The following MSL2 variants were observed in gnomAD, a reference collection of about 807,000 sequenced individuals.
MSL2 encodes MSL complex subunit 2, also known as E3 ubiquitin-protein ligase MSL2.
Under a neutral mutation model 35.8 loss-of-function variants are expected in MSL2, and 2 were observed. The ratio of observed to expected loss-of-function variants is 0.06; its 90% CI spans 0.02 to 0.18. The LOEUF (loss-of-function observed/expected upper bound fraction) is 0.18. Ranked by LOEUF, MSL2 falls within the 10% of genes least tolerant of loss-of-function variation. The pLI, the probability that MSL2 is intolerant of heterozygous loss-of-function variation, is 1.00. For missense variants in MSL2, 523 were observed against 706.7 expected, an observed-to-expected ratio of 0.74 and a Z score of 2.95; for synonymous variants, 296 against 255.7, an observed-to-expected ratio of 1.16 and a Z score of -1.50.
intron 1 of MSL2, among the ~76,000 whole-genome samples, chr3:136,185,536 T>C (rs1431928956): frequency 2.0e-5 from 2 of 102,078 alleles, no homozygotes; most frequent in Admixed American, 2.7e-4. Context: ...TTCTTTTTTT[T>C]TGGAGGGGGG....
chr3:136,152,325 T>C lies in MSL2; in HGVS notation c.556A>G (p.Ile186Val), dbSNP rs770174801. ...AAACCATTGATAACAGAACTGCCAA[T>C]AGCAATGCTGAGGGTGCTTTCAGAC... ...PMSESTLSIA[I>V]GSSVINGLPT... The change falls in exon 2 of 2, where the codon ATT (isoleucine) becomes GTT (valine). Residue 186 changes from isoleucine to valine, a missense_variant. This residue lies in a region of MSL2 where 361 missense variants were observed against 414.6 expected (regional missense o/e 0.87). Coordinates refer to ENST00000309993, the MANE Select transcript of MSL2 (RefSeq NM_018133.4). 1.3e-5 allele frequency: 21 copies of C among 1,614,052 alleles called. No individual in the cohort carries two copies. Among genetic ancestry groups the C allele is most frequent in the Admixed American group, 1.7e-5 (1 of 60,000 alleles).
chr3:136,157,265 AG>A (rs1443003338), intron 1 of MSL2, among the ~76,000 whole-genome samples: 1 of 117,744 alleles, frequency 8.5e-6, no homozygotes, highest in East Asian at 2.0e-4. Flanking sequence ...CGATCACCTG[AG>A]GTCAGGAAGG....
intron 1 of MSL2, among the ~76,000 whole-genome samples, chr3:136,179,210 G>A (rs1435987979): frequency 6.6e-6 from 1 of 151,564 alleles, no homozygotes; most frequent in African/African-American, 2.4e-5. Flanking sequence ...TTTAAAGACA[G>A]AGTACTCCCT....
Position 136,149,836 on chromosome 3 carries a change from G to A in MSL2, c.*1311C>T, listed in dbSNP as rs923495570. The A allele has an allele frequency of 1.3e-5, 2 of 152,418 alleles. No homozygotes were observed. Among genetic ancestry groups the A allele is most frequent in the South Asian group, 4.1e-4 (2 of 4,826 alleles). 9.4% of individuals were successfully genotyped at this position (152,418 alleles called of 1,614,324 possible). On this transcript the variant is annotated 3_prime_UTR_variant, in exon 2 of 2. Transcript: ENST00000309993. ...AGAGATGGTGAACGTAGTAGAAATT[G>A]GAAATTTTCCAGCAGTATTTTTCTT...
intron 1 of MSL2, among the ~76,000 whole-genome samples, chr3:136,191,647 C>A (rs1000902517): frequency 6.6e-6 from 1 of 151,970 alleles, no homozygotes; most frequent in Non-Finnish European, 1.5e-5. Context: ...ATGGTACATG[C>A]CTGTAGTTCT....
intron 1 of MSL2, among the ~76,000 whole-genome samples, chr3:136,189,005 G>A (rs1287827872): frequency 6.9e-6 from 1 of 145,600 alleles, no homozygotes; most frequent in African/African-American, 2.5e-5. Context: ...ATATACCCAA[G>A]TAGAAGCAAA....
At chr3:136,166,533 A>G (rs960006087) in intron 1 of MSL2, among the ~76,000 whole-genome samples, 8 of 152,226 alleles carry the variant, frequency 5.3e-5, no homozygotes, top group African/African-American at 1.9e-4. Context: ...CAAATTTAAC[A>G]TAGATCATTC....
intron 1 of MSL2, 23 bp downstream of exon 1, chr3:136,194,949 G>A: frequency 1.2e-6 from 2 of 1,613,254 alleles, no homozygotes; most frequent in African/African-American, 1.3e-5. Flanking sequence ...GCATTGAAAA[G>A]GGAACAATAA....
intron 1 of MSL2, among the ~76,000 whole-genome samples, chr3:136,180,142 T>C (rs6786582): frequency 0.2 from 30,046 of 152,180 alleles, 3,462 homozygotes; most frequent in Non-Finnish European, 0.27. Flanking sequence ...TAGGCTAAAA[T>C]GGCATACATT....
intron 1 of MSL2, among the ~76,000 whole-genome samples, chr3:136,194,742 C>T (rs956653563): frequency 3.2e-4 from 49 of 151,796 alleles, no homozygotes; most frequent in Admixed American, 3.2e-3. Flanking sequence ...GCGAATTAAA[C>T]CATTTTGAAC....
intron 1 of MSL2, among the ~76,000 whole-genome samples, chr3:136,157,109 A>T (rs2108063078): frequency 6.6e-6 from 1 of 152,332 alleles, no homozygotes; most frequent in East Asian, 1.9e-4. Context: ...TAGGAATCCC[A>T]AACTAATCAG....
chr3:136,157,349 A>C (rs1939563607), intron 1 of MSL2, among the ~76,000 whole-genome samples: 1 of 152,174 alleles, frequency 6.6e-6, no homozygotes, highest in Non-Finnish European at 1.5e-5. Context: ...TCTACTAAAA[A>C]TACAAAAATT....
At position 136,195,577 on chromosome 3, in the gene MSL2, C is replaced by T. The variant is rs1940815390; in HGVS notation, c.-464G>A. 2 of 996,628 alleles carry T rather than the reference C, an allele frequency of 2.0e-6. No individual in the cohort carries two copies. The highest frequency in any genetic ancestry group is 6.1e-5 in the Admixed American group (1 of 16,460). The allele number at this position is 996,628 out of a possible 1,614,324, so 61.7% of individuals were successfully genotyped here. On this transcript the variant is annotated 5_prime_UTR_variant, in exon 1 of 2. Coordinates refer to ENST00000309993, the MANE Select transcript of MSL2 (RefSeq NM_018133.4). Reference sequence around the variant, plus strand: ...ACGCTTCTCCCGGGCTGCAGGGCCTCTTACTCCATCCCAGTACAGGGCGCG... The same window carrying T: ...ACGCTTCTCCCGGGCTGCAGGGCCTTTTACTCCATCCCAGTACAGGGCGCG...
At chr3:136,189,508 A>G (rs1232110166) in intron 1 of MSL2, among the ~76,000 whole-genome samples, 1 of 149,316 alleles carries the variant, frequency 6.7e-6, no homozygotes, top group African/African-American at 2.5e-5. Flanking sequence ...GCGGATCACG[A>G]GGTCAGGAGA....
In MSL2 at chr3:136,178,532, CTT is replaced by C. The variant is rs1180948007; in HGVS notation, c.142+16438_142+16439del. On this transcript the variant is annotated intron_variant, in intron 1 of 1. Transcript: ENST00000309993. ...ACAGCACTGCTTAAATTTACTGGCA[CTT>C]TTTTTTTTTTTTTTTTGAGACAGGG... 7.2e-4 allele frequency among the ~76,000 whole-genome samples: 97 copies of C among 134,790 alleles called. No homozygotes were observed. In the East Asian group the frequency reaches 0.012, roughly 16 times the overall value. 88.4% of individuals were successfully genotyped at this position (134,790 alleles called of 152,430 possible).
At chr3:136,159,425 GCC>G (rs1939636256) in intron 1 of MSL2, among the ~76,000 whole-genome samples, 3 of 135,116 alleles carry the variant, frequency 2.2e-5, no homozygotes, top group African/African-American at 8.4e-5. Context: ...GTGCAGTGGT[GCC>G]ATCTCGGCTC....
intron 1 of MSL2, among the ~76,000 whole-genome samples, chr3:136,194,190 T>C (rs1431790390): frequency 1.3e-5 from 2 of 152,210 alleles, no homozygotes; most frequent in East Asian, 3.8e-4. Context: ...AAGCAAGTAA[T>C]TATTACACAC....
chr3:136,187,215 G>A (rs564387759), intron 1 of MSL2, among the ~76,000 whole-genome samples: 33 of 152,118 alleles, frequency 2.2e-4, no homozygotes, highest in Non-Finnish European at 2.1e-4. Flanking sequence ...ACCCAACTAC[G>A]ACAAAGATAA....
chr3:136,195,630 G>A lies in MSL2; in HGVS notation c.-517C>T, dbSNP rs903574587. The A allele has an allele frequency of 7.9e-5, 77 of 980,776 alleles. No homozygotes were observed. Among genetic ancestry groups the A allele is most frequent in the Admixed American group, 5.5e-4 (9 of 16,292 alleles). 60.8% of individuals were successfully genotyped at this position (980,776 alleles called of 1,614,324 possible). ...GGCGGCGGCGACGGCAAGGACGACG[G>A]TCGGGCAGCGGCTTCCCGGATCTAG... On this transcript the variant is annotated 5_prime_UTR_variant, in exon 1 of 2. Coordinates refer to ENST00000309993, the MANE Select transcript of MSL2 (RefSeq NM_018133.4).
Sources: allele counts gnomAD v4.1 joint callset (sites outside exome capture counted in the v4.1 genomes callset), GRCh38; gene constraint gnomAD v4.1.1; regional missense constraint gnomAD v4.1.1; transcripts MANE v1.5; gene names NCBI Gene and HGNC (gene_info 2026-07-23, HGNC 2026-07-21).